NPAS2: variants seen among roughly 807,000 people sequenced by gnomAD.
The protein encoded by NPAS2 is neuronal PAS domain-containing protein 2.
NPAS2 carries 23 observed loss-of-function variants against 107.5 expected under a neutral mutation model. The observed-to-expected ratio is 0.21, with a 90% confidence interval of 0.15 to 0.30. The LOEUF is 0.30. Ranked by LOEUF, NPAS2 falls within the 10% of genes least tolerant of loss-of-function variation. NPAS2 has a pLI of 1.00. For synonymous variants in NPAS2, 403 were observed against 417.5 expected (o/e 0.97, Z 0.42); for missense variants, 756 against 1,043.3 (o/e 0.72, Z 3.79).
At position 100,965,836 on chromosome 2, in the gene NPAS2, C is replaced by G. The variant is rs529189584; in HGVS notation, c.907+70C>G. The G allele has an allele frequency of 2.3e-5, 22 of 964,882 alleles. No individual in the cohort carries two copies. The South Asian group carries it at 2.7e-4, about 12-fold the overall frequency. 59.8% of individuals were successfully genotyped at this position (964,882 alleles called of 1,614,324 possible). A position where few individuals can be genotyped will look rare whatever the true frequency, so the allele number is the denominator to read the frequency against. On this transcript the variant is annotated intron_variant, in intron 10 of 20. Transcript: ENST00000335681. The surrounding 1 kb of genome is among the most constrained non-coding windows in gnomAD (Gnocchi z 4.3). ...TCCACTGGGGCCCAGCAGCAGGGCT[C>G]TGGGACTCCAGAAGCCTCTGCTCGT... is the stretch of plus-strand genomic sequence containing the variant.
At chr2:100,848,264 C>T (rs897077874) in intron 1 of NPAS2, among the ~76,000 whole-genome samples, 2 of 152,162 alleles carry the variant, frequency 1.3e-5, no homozygotes, top group Non-Finnish European at 2.9e-5. Context: ...CCCAGCCCTG[C>T]TTTTCCCATT....
chr2:100,948,855 A>G (rs1248163210), intron 6 of NPAS2, among the ~76,000 whole-genome samples: 1 of 152,172 alleles, frequency 6.6e-6, no homozygotes, highest in Non-Finnish European at 1.5e-5. Context: ...ATATTTGGCA[A>G]CCTAGGTAGA....
chr2:100,933,056 TG>T (rs2104942994), intron 4 of NPAS2, 55 bp downstream of exon 4: 1 of 1,328,816 alleles, frequency 7.5e-7, no homozygotes, highest in East Asian at 2.3e-5. Context: ...TGTAGCTACT[TG>T]TTGCAGATAA....
At chr2:100,827,283 C>T (rs1435407750) in intron 1 of NPAS2, among the ~76,000 whole-genome samples, 3 of 152,206 alleles carry the variant, frequency 2.0e-5, no homozygotes, top group African/African-American at 4.8e-5. Context: ...GATTTACAGT[C>T]AGACAGGTTC....
chr2:100,841,345 G>A (rs1436917113), intron 1 of NPAS2, among the ~76,000 whole-genome samples: 2 of 152,210 alleles, frequency 1.3e-5, no homozygotes, highest in Non-Finnish European at 2.9e-5. Flanking sequence ...GACTGAGGCA[G>A]GAGAATTGCT....
intron 2 of NPAS2, among the ~76,000 whole-genome samples, chr2:100,911,632 A>G (rs1213735243): frequency 2.0e-5 from 3 of 151,538 alleles, no homozygotes; most frequent in Non-Finnish European, 2.9e-5. Context: ...ATACATTTCC[A>G]TTCAATTTTT....
At chr2:100,974,305 A>G (rs1676812124) in intron 12 of NPAS2, among the ~76,000 whole-genome samples, 2 of 152,230 alleles carry the variant, frequency 1.3e-5, no homozygotes, top group South Asian at 4.1e-4. Context: ...GTCGAAAGAC[A>G]GGAGACCCCT....
chr2:100,944,465 G>A (rs1003735742), intron 5 of NPAS2, among the ~76,000 whole-genome samples: 1 of 152,118 alleles, frequency 6.6e-6, no homozygotes, highest in African/African-American at 2.4e-5. Context: ...TGACCTTCCC[G>A]ATCGTGGGAC....
At chr2:100,992,964 C>A (rs1678223294) in intron 19 of NPAS2, among the ~76,000 whole-genome samples, 1 of 151,600 alleles carries the variant, frequency 6.6e-6, no homozygotes, top group Non-Finnish European at 1.5e-5. Flanking sequence ...GAGTCTCACT[C>A]TGTCGCCCAG....
At chr2:100,851,304 T>C (rs1423698818) in intron 1 of NPAS2, among the ~76,000 whole-genome samples, 1 of 152,228 alleles carries the variant, frequency 6.6e-6, no homozygotes, top group Non-Finnish European at 1.5e-5. Flanking sequence ...ATATGTCTTT[T>C]ACCACAATTT....
intron 19 of NPAS2, 84 bp downstream of exon 19, chr2:100,990,956 G>C: frequency 9.0e-7 from 1 of 1,115,400 alleles, no homozygotes; most frequent in Non-Finnish European, 1.3e-6. Context: ...TGGGCCAGCA[G>C]CACTCACATG....
intron 2 of NPAS2, among the ~76,000 whole-genome samples, chr2:100,913,641 T>C (rs1489430730): frequency 6.6e-6 from 1 of 152,092 alleles, no homozygotes; most frequent in Non-Finnish European, 1.5e-5. Context: ...TTTTCCCCCC[T>C]CTTTTCTCTT....
At position 100,995,912 on chromosome 2, in the gene NPAS2, G is replaced by A. The variant is rs931818294; in HGVS notation, c.*330G>A. The A allele has an allele frequency of 1.5e-4, 210 of 1,427,518 alleles. No homozygotes were observed. Among genetic ancestry groups the A allele is most frequent in the African/African-American group, 4.7e-4 (33 of 70,704 alleles). 88.4% of individuals were successfully genotyped at this position (1,427,518 alleles called of 1,614,324 possible). On this transcript the variant is annotated 3_prime_UTR_variant, in exon 21 of 21. Transcript: ENST00000335681. The stretch of plus-strand genomic sequence containing the variant: ...TCGCTGCATCCCCCGAGAGTACACC[G>A]GTTGCTCTAGCCACCTGCGGCCCGC...
upstream of NPAS2, among the ~76,000 whole-genome samples, chr2:100,819,384 C>T (rs1395276712): frequency 1.3e-5 from 2 of 152,286 alleles, no homozygotes; most frequent in East Asian, 3.9e-4. This position sits in a 1 kb window ranked among gnomAD's most constrained non-coding sequence, Gnocchi z 5.8. Context: ...CTACGTTCGC[C>T]TTAGGACAGG....
Position 100,868,991 on chromosome 2 carries a change from G to C in NPAS2, c.-22-35742G>C, listed in dbSNP as rs190206589. ...TCTGCACCCAGTCTGGAGTGCAGTG[G>C]TGTAATCTCAGCTCGCTGCAACCTT... is the stretch of plus-strand genomic sequence containing the variant. On this transcript the variant is annotated intron_variant, in intron 1 of 20. Coordinates refer to ENST00000335681, the MANE Select transcript of NPAS2 (RefSeq NM_002518.4). Among the ~76,000 whole-genome samples the C allele has an allele frequency of 2.3e-3, 352 of 152,208 alleles. 3 individuals are homozygous for C. Among genetic ancestry groups the C allele is most frequent in the African/African-American group, 8.3e-3 (345 of 41,514 alleles).
chr2:100,849,054 C>T (rs757745666), intron 1 of NPAS2, among the ~76,000 whole-genome samples: 5 of 152,218 alleles, frequency 3.3e-5, no homozygotes, highest in South Asian at 2.1e-4. Flanking sequence ...CTTAAATCTA[C>T]GTGTAACCCA....
At chr2:100,992,583 T>G (rs1165732796) in intron 19 of NPAS2, among the ~76,000 whole-genome samples, 1 of 152,250 alleles carries the variant, frequency 6.6e-6, no homozygotes, top group Non-Finnish European at 1.5e-5. Context: ...CCCGGCCATG[T>G]GAAGTTACTT....
At chr2:100,933,314 A>G (rs1684089415) in intron 4 of NPAS2, among the ~76,000 whole-genome samples, 1 of 152,212 alleles carries the variant, frequency 6.6e-6, no homozygotes, top group Admixed American at 6.5e-5. Context: ...AGAGAGGAGA[A>G]GGACAGAGGG....
At chr2:100,953,351 G>A (rs1421073388) in intron 7 of NPAS2, among the ~76,000 whole-genome samples, 1 of 148,886 alleles carries the variant, frequency 6.7e-6, no homozygotes, top group Non-Finnish European at 1.5e-5. Context: ...TCCAGCCTGG[G>A]TGACAGAGTG....
Sources: gnomAD v4.1 joint callset for allele counts (sites outside exome capture counted in the v4.1 genomes callset) on GRCh38, gnomAD v4.1.1 for gene constraint, Gnocchi (gnomAD v3.1) non-coding constraint, MANE v1.5 for transcripts, NCBI Gene and HGNC (gene_info 2026-07-23, HGNC 2026-07-21) for gene names.